SATB2: variants seen among roughly 807,000 people sequenced by gnomAD.
SATB2 encodes SATB homeobox 2.
SATB2 carries 1 observed loss-of-function variant against 73.4 expected under a neutral mutation model. That is an observed-to-expected ratio of 0.01 (90% confidence interval 0.00 to 0.06). The LOEUF (loss-of-function observed/expected upper bound fraction) is 0.06. Among genes scored for constraint, SATB2 ranks in the 10% least tolerant of loss-of-function variants. SATB2 has a pLI of 1.00. For missense variants in SATB2, 459 were observed against 945.8 expected (o/e 0.49, Z 6.75); for synonymous variants, 397 against 367.0 (o/e 1.08, Z -0.93).
intron 9 of SATB2, among the ~76,000 whole-genome samples, chr2:199,309,189 T>C (rs990735878): frequency 3.9e-5 from 6 of 152,248 alleles, no homozygotes; most frequent in African/African-American, 1.4e-4. Context: ...ACCCTGCCTA[T>C]AGAATATATT....
Position 199,455,171 on chromosome 2 carries a change from A to T in SATB2, c.169+698T>A, listed in dbSNP as rs1380175929. Among the ~76,000 whole-genome samples, 1 of 152,258 alleles carries T rather than the reference A, an allele frequency of 6.6e-6. No homozygotes were observed. The highest frequency in any genetic ancestry group is 1.5e-5 in the Non-Finnish European group (1 of 68,048). On this transcript the variant is annotated intron_variant, in intron 2 of 10. Transcript: ENST00000417098. The surrounding 1 kb of genome is among the most constrained non-coding windows in gnomAD (Gnocchi z 4.1). Reference sequence around the variant, plus strand: ...TTGCTTAAGTAGTAAAAACTACAAAAGATTTTCTTTAAATAAAATTATTAA... The same window carrying T: ...TTGCTTAAGTAGTAAAAACTACAAATGATTTTCTTTAAATAAAATTATTAA...
chr2:199,462,595 C>G (rs1034847057), upstream of SATB2, among the ~76,000 whole-genome samples: 1 of 152,136 alleles, frequency 6.6e-6, no homozygotes, highest in Non-Finnish European at 1.5e-5. The surrounding 1 kb of genome is among the most constrained non-coding windows in gnomAD (Gnocchi z 5.9). Context: ...GCATCAGAGC[C>G]GGACAAATCC....
chr2:199,447,418 T>C (rs1691996235), intron 2 of SATB2, among the ~76,000 whole-genome samples: 1 of 152,018 alleles, frequency 6.6e-6, no homozygotes, highest in African/African-American at 2.4e-5. Context: ...GAAATGAGGG[T>C]GCTCATTATT....
chr2:199,342,075 G>A (rs1157649896), intron 7 of SATB2, among the ~76,000 whole-genome samples: 3 of 152,182 alleles, frequency 2.0e-5, no homozygotes, highest in Non-Finnish European at 2.9e-5. Flanking sequence ...CTGCCAGGAT[G>A]AGCAGAGAAA....
In SATB2 at chr2:199,298,407, T is replaced by C. The variant is rs189142882; in HGVS notation, c.1740+10353A>G. On this transcript the variant is annotated intron_variant, in intron 10 of 10. Coordinates refer to ENST00000417098, the MANE Select transcript of SATB2 (RefSeq NM_001172509.2). ...CAGAGATAATGTTTCAGTCTACTTGTATAAGCTCTTTGACAACTTATACTA... is the reference window on the plus strand; with the variant it reads ...CAGAGATAATGTTTCAGTCTACTTGCATAAGCTCTTTGACAACTTATACTA... 2.0e-5 allele frequency among the ~76,000 whole-genome samples: 3 copies of C among 152,314 alleles called. No homozygotes were observed. In the East Asian group the frequency reaches 5.8e-4, roughly 29 times the overall value.
At chr2:199,365,140 T>C (rs910801210) in intron 6 of SATB2, among the ~76,000 whole-genome samples, 2 of 152,164 alleles carry the variant, frequency 1.3e-5, no homozygotes, top group African/African-American at 4.8e-5. Context: ...TGGAATCTCA[T>C]GTACAATACT....
Position 199,323,506 on chromosome 2 carries a change from C to T in SATB2, c.1542+297G>A, listed in dbSNP as rs75620124. The stretch of plus-strand genomic sequence containing the variant: ...ACACACACACACACACACACACACA[C>T]ACATATATAAAGGGAGAGAAACAAA... On this transcript the variant is annotated intron_variant, in intron 9 of 10. Coordinates refer to ENST00000417098, the MANE Select transcript of SATB2 (RefSeq NM_001172509.2). Among the ~76,000 whole-genome samples, 9 of 134,690 alleles carry T rather than the reference C, an allele frequency of 6.7e-5. 1 individual carries two copies. The South Asian group carries it at 8.8e-4, about 13-fold the overall frequency. 88.4% of individuals were successfully genotyped at this position (134,690 alleles called of 152,430 possible).
chr2:199,439,719 A>T (rs1339125230), intron 2 of SATB2, among the ~76,000 whole-genome samples: 1 of 152,106 alleles, frequency 6.6e-6, no homozygotes, highest in Admixed American at 6.5e-5. Context: ...TCTCTCTCTC[A>T]CACTGACACA....
intron 3 of SATB2, among the ~76,000 whole-genome samples, chr2:199,384,930 C>T (rs1689883948): frequency 6.6e-6 from 1 of 152,146 alleles, no homozygotes; most frequent in African/African-American, 2.4e-5. Context: ...AATACATTGA[C>T]TCAAAAGATT....
chr2:199,414,683 C>T (rs536124737), intron 3 of SATB2, among the ~76,000 whole-genome samples: 19 of 152,208 alleles, frequency 1.2e-4, no homozygotes, highest in South Asian at 2.1e-4. Flanking sequence ...CTCAAGACTC[C>T]GGTGCCAGCC....
intron 3 of SATB2, among the ~76,000 whole-genome samples, chr2:199,430,636 A>G (rs1480098701): frequency 6.6e-6 from 1 of 152,122 alleles, no homozygotes; most frequent in Non-Finnish European, 1.5e-5. Context: ...AAATCCCTAA[A>G]CTCCATTTTA....
At chr2:199,281,285 T>TA (rs1304497510) in intron 10 of SATB2, among the ~76,000 whole-genome samples, 2 of 145,712 alleles carry the variant, frequency 1.4e-5, no homozygotes, top group Non-Finnish European at 3.0e-5. Flanking sequence ...TGTGTGTGTG[T>TA]ATATATACAT....
chr2:199,339,668 T>C (rs1688447425), intron 7 of SATB2, among the ~76,000 whole-genome samples: 1 of 152,164 alleles, frequency 6.6e-6, no homozygotes, highest in Non-Finnish European at 1.5e-5. Flanking sequence ...CTTGTATCTC[T>C]ATTGGATAGT....
chr2:199,301,596 G>A (rs1020332295), intron 10 of SATB2, among the ~76,000 whole-genome samples: 1 of 152,186 alleles, frequency 6.6e-6, no homozygotes, highest in African/African-American at 2.4e-5. Flanking sequence ...TCAGCCTTCA[G>A]GAGGATAAGG....
chr2:199,417,036 T>TCACACA lies in SATB2; in HGVS notation c.346+16296_346+16301dup, dbSNP rs55763647. 3.5e-3 allele frequency among the ~76,000 whole-genome samples: 499 copies of TCACACA among 144,270 alleles called. 3 individuals are homozygous for TCACACA. The highest frequency in any genetic ancestry group is 5.6e-3 in the East Asian group (27 of 4,792). 94.6% of individuals were successfully genotyped at this position (144,270 alleles called of 152,430 possible). ...GGGGGACAGAGTGAGACTCCGTCTC[T>TCACACA]CACACACACACACACACACACACAC... On this transcript the variant is annotated intron_variant, in intron 3 of 10. Coordinates refer to ENST00000417098, the MANE Select transcript of SATB2 (RefSeq NM_001172509.2).
At position 199,272,546 on chromosome 2, in the gene SATB2, A is replaced by G. The variant is rs771777179; in HGVS notation, c.1867T>C (p.Leu623=). The change falls in exon 11 of 11, where the codon TTA becomes CTA. Residue 623 remains leucine, a synonymous_variant. Coordinates refer to ENST00000417098, the MANE Select transcript of SATB2 (RefSeq NM_001172509.2). This position sits in a 1 kb window ranked among gnomAD's most constrained non-coding sequence, Gnocchi z 6.7. Reference sequence around the variant, plus strand: ...CTTTGGAGGATCCCCAGGGCTTCTAAGGAGATCTTTGTGCGAGACCGGGGC... The same window carrying G: ...CTTTGGAGGATCCCCAGGGCTTCTAGGGAGATCTTTGTGCGAGACCGGGGC... ...KKPRSRTKIS[L]EALGILQSFI... 1 of 1,614,160 alleles carries G rather than the reference A, an allele frequency of 6.2e-7. No homozygotes were observed. Among genetic ancestry groups the G allele is most frequent in the East Asian group, 2.2e-5 (1 of 44,880 alleles).
intron 2 of SATB2, among the ~76,000 whole-genome samples, chr2:199,450,607 AC>A (rs1692096113): frequency 1.3e-5 from 2 of 152,244 alleles, no homozygotes; most frequent in South Asian, 4.1e-4. Context: ...TCCAACAGAA[AC>A]CTAAAAAGCT....
At chr2:199,304,213 T>C (rs998532494) in intron 10 of SATB2, among the ~76,000 whole-genome samples, 1 of 152,208 alleles carries the variant, frequency 6.6e-6, no homozygotes, top group Non-Finnish European at 1.5e-5. Flanking sequence ...GAACCTAACC[T>C]AACCAGTGTT....
chr2:199,447,299 G>T (rs946624876), intron 2 of SATB2, among the ~76,000 whole-genome samples: 1 of 152,200 alleles, frequency 6.6e-6, no homozygotes, highest in Non-Finnish European at 1.5e-5. Context: ...TAATTCAGAG[G>T]ATTGCAGGTC....
Sources: gnomAD v4.1 joint callset for allele counts (sites outside exome capture counted in the v4.1 genomes callset) on GRCh38, gnomAD v4.1.1 for gene constraint, Gnocchi (gnomAD v3.1) non-coding constraint, MANE v1.5 for transcripts, NCBI Gene and HGNC (gene_info 2026-07-23, HGNC 2026-07-21) for gene names.